Variants in SH3BP5 observed in about 807,000 individuals in gnomAD.
The protein encoded by SH3BP5 is SH3 domain binding protein 5, also known as SH3 domain-binding protein 5.
In SH3BP5, 22 loss-of-function variants were observed where a neutral mutation model predicts 43.3. The ratio of observed to expected loss-of-function variants is 0.51; its 90% CI spans 0.36 to 0.73. SH3BP5 has a LOEUF of 0.73. SH3BP5 is among the 30% of genes least tolerant of loss of function. SH3BP5 has a pLI of 0.00. For missense variants in SH3BP5, 529 were observed against 586.9 expected (o/e 0.90, Z 1.02); for synonymous variants, 255 against 225.8 (o/e 1.13, Z -1.16).
At chr3:15,261,041 G>C (rs947149599) in intron 5 of SH3BP5, among the ~76,000 whole-genome samples, 1 of 152,210 alleles carries the variant, frequency 6.6e-6, no homozygotes, top group Non-Finnish European at 1.5e-5. Context: ...GCCTCCTTGG[G>C]TGTTGGCATG....
chr3:15,280,311 C>T (rs1432837365), intron 3 of SH3BP5, among the ~76,000 whole-genome samples: 3 of 152,170 alleles, frequency 2.0e-5, no homozygotes, highest in Non-Finnish European at 4.4e-5. Context: ...AGTGTGCCAC[C>T]GGCTAGAGAA....
intron 3 of SH3BP5, 126 bp downstream of exon 3, chr3:15,303,977 T>G: frequency 1.4e-6 from 1 of 733,724 alleles, no homozygotes; most frequent in South Asian, 1.7e-5. Context: ...GGGCGGTGGG[T>G]CACTGCATTT....
intron 2 of SH3BP5, among the ~76,000 whole-genome samples, chr3:15,315,793 G>A (rs532574867): frequency 6.6e-6 from 1 of 152,286 alleles, no homozygotes; most frequent in African/African-American, 2.4e-5. Flanking sequence ...CTATTTGGAG[G>A]CTGAGTTAGG....
chr3:15,337,995 C>A lies in SH3BP5; in HGVS notation c.-402+3228G>T, dbSNP rs190463791. 3.5e-4 allele frequency among the ~76,000 whole-genome samples: 53 copies of A among 149,316 alleles called. 1 individual carries two copies. Among genetic ancestry groups the A allele is most frequent in the African/African-American group, 1.3e-3 (53 of 40,514 alleles). ...ATTGTGAAGTTAAGACCCTTTCTGT[C>A]AAATTTCAATGCCATTTAAATTAAG... On this transcript the variant is annotated intron_variant, in intron 1 of 8. Coordinates refer to the SH3BP5 transcript ENST00000408919.
At chr3:15,341,059 T>TAATA (rs1001021786) in intron 1 of SH3BP5, among the ~76,000 whole-genome samples, 8 of 151,902 alleles carry the variant, frequency 5.3e-5, no homozygotes, top group South Asian at 4.2e-4. Flanking sequence ...CCTCAAAAAA[T>TAATA]AATAAATAAA....
intron 2 of SH3BP5, among the ~76,000 whole-genome samples, chr3:15,321,108 G>C (rs1489500882): frequency 6.6e-6 from 1 of 152,158 alleles, no homozygotes; most frequent in Admixed American, 6.5e-5. Context: ...TTTTGCTAAT[G>C]TGGTTACCAT....
chr3:15,280,809 T>A (rs767976335), intron 3 of SH3BP5, among the ~76,000 whole-genome samples: 2 of 152,150 alleles, frequency 1.3e-5, no homozygotes, highest in Non-Finnish European at 2.9e-5. Flanking sequence ...TCTGCCTTTG[T>A]CCCCCACCTA....
At chr3:15,301,270 G>C (rs1057321521) in intron 3 of SH3BP5, among the ~76,000 whole-genome samples, 2 of 152,288 alleles carry the variant, frequency 1.3e-5, no homozygotes, top group East Asian at 1.9e-4. Flanking sequence ...AAGAGGCTGT[G>C]AGTAAAGGAG....
In SH3BP5 at chr3:15,310,190, C is replaced by A. The variant is rs552188647; in HGVS notation, c.202-5959G>T. Among the ~76,000 whole-genome samples, 318 of 152,268 alleles carry A rather than the reference C, an allele frequency of 2.1e-3. 1 individual carries two copies. Among genetic ancestry groups the A allele is most frequent in the Non-Finnish European group, 3.0e-3 (204 of 68,012 alleles). On this transcript the variant is annotated intron_variant, in intron 2 of 8. Transcript: ENST00000383791. ...CATCATAACCAATGAGACTTCATTT[C>A]GGGACCTTTCTGCAACTGTTAGAGG...
rs754861970 is a variant in SH3BP5, at chr3:15,269,694, A to C, written c.495+19T>G. On this transcript the variant is annotated intron_variant, in intron 4 of 8. Coordinates refer to ENST00000383791, the MANE Select transcript of SH3BP5 (RefSeq NM_004844.5). ...ATGCACGCGCACACCCCCACAGCACACCCGGCCATGACTCATACCCTCTGA... is the reference window on the plus strand; with the variant it reads ...ATGCACGCGCACACCCCCACAGCACCCCCGGCCATGACTCATACCCTCTGA... 6.5e-7 allele frequency: 1 copy of C among 1,549,004 alleles called. No individual in the cohort carries two copies.
intron 4 of SH3BP5, among the ~76,000 whole-genome samples, chr3:15,263,400 C>A (rs759050362): frequency 2.0e-5 from 3 of 152,236 alleles, no homozygotes; most frequent in Non-Finnish European, 4.4e-5. Context: ...GCAGCCATGA[C>A]TTCCATTGTT....
Position 15,255,318 on chromosome 3 carries a change from CTT to C in SH3BP5, c.*766_*767del, listed in dbSNP as rs1179331386. ...GCAACCATTCTTCACATGCACTTCT[CTT>C]AGAATAAATCCCCTTGGCTGGCAGG... On this transcript the variant is annotated 3_prime_UTR_variant, in exon 9 of 9. Transcript: ENST00000383791. 6.6e-6 allele frequency: 1 copy of C among 152,602 alleles called. No homozygotes were observed. The highest frequency in any genetic ancestry group is 6.5e-5 in the Admixed American group (1 of 15,274). The allele number at this position is 152,602 out of a possible 1,614,324, so 9.5% of individuals were successfully genotyped here.
intron 4 of SH3BP5, among the ~76,000 whole-genome samples, chr3:15,266,772 T>C (rs554994369): frequency 6.6e-6 from 1 of 152,378 alleles, no homozygotes; most frequent in South Asian, 2.1e-4. Context: ...CCACTGCATG[T>C]GGCCTAACAG....
chr3:15,307,966 T>C (rs1046305190), intron 2 of SH3BP5, among the ~76,000 whole-genome samples: 1 of 152,200 alleles, frequency 6.6e-6, no homozygotes, highest in Non-Finnish European at 1.5e-5. Flanking sequence ...TTGGCTGATA[T>C]GCTGTGTAGT....
intron 2 of SH3BP5, among the ~76,000 whole-genome samples, chr3:15,313,483 A>T (rs9810098): frequency 0.1 from 15,651 of 152,236 alleles, 1,112 homozygotes; most frequent in African/African-American, 0.19. Flanking sequence ...CCAGTGGTAA[A>T]GGCAACTGAA....
intron 3 of SH3BP5, among the ~76,000 whole-genome samples, chr3:15,283,249 T>C (rs1354031493): frequency 6.6e-6 from 1 of 152,016 alleles, no homozygotes; most frequent in Non-Finnish European, 1.5e-5. Context: ...AGTACAAAAA[T>C]TAGCTGAGTG....
intron 3 of SH3BP5, among the ~76,000 whole-genome samples, chr3:15,282,166 A>G (rs2125082287): frequency 6.6e-6 from 1 of 152,348 alleles, no homozygotes; most frequent in South Asian, 2.1e-4. Flanking sequence ...TGGGTCTACA[A>G]CCTTGAACAA....
intron 3 of SH3BP5, among the ~76,000 whole-genome samples, chr3:15,297,144 C>T (rs1697600086): frequency 6.6e-6 from 1 of 152,214 alleles, no homozygotes; most frequent in African/African-American, 2.4e-5. Flanking sequence ...ACACGATTCT[C>T]CATCCATTCA....
chr3:15,257,186 A>G lies in SH3BP5; in HGVS notation c.890-73T>C, dbSNP rs1336902440. ...AACACCACAAGTGCTTGCTGCTGGCAGGCAGCTAGACACAGCATGGGGGAC... is the reference window on the plus strand; with the variant it reads ...AACACCACAAGTGCTTGCTGCTGGCGGGCAGCTAGACACAGCATGGGGGAC... On this transcript the variant is annotated intron_variant, in intron 7 of 8. Transcript: ENST00000383791. 2.0e-6 allele frequency: 3 copies of G among 1,489,754 alleles called. No homozygotes were observed. The Admixed American group carries it at 5.3e-5, about 26-fold the overall frequency. The allele number at this position is 1,489,754 out of a possible 1,614,324, so 92.3% of individuals were successfully genotyped here. A position where few individuals can be genotyped will look rare whatever the true frequency, so the allele number is the denominator to read the frequency against.
Sources: allele counts gnomAD v4.1 joint callset (sites outside exome capture counted in the v4.1 genomes callset), GRCh38; gene constraint gnomAD v4.1.1; transcripts MANE v1.5; gene names NCBI Gene and HGNC (gene_info 2026-07-23, HGNC 2026-07-21).